The following BLTP1 variants were observed in gnomAD, a reference collection of about 807,000 sequenced individuals.
The protein encoded by BLTP1 is bridge-like lipid transfer protein family member 1.
chr4:122,317,755 C>T, the BLTP1 span, among the ~76,000 whole-genome samples: 11 of 152,036 alleles, frequency 7.2e-5, no homozygotes, highest in African/African-American at 2.7e-4. Context: ...TTCCTGTTGA[C>T]TTACATTACA....
the BLTP1 span, chr4:122,263,586 A>G: frequency 5.2e-5 from 83 of 1,605,622 alleles, no homozygotes; most frequent in Non-Finnish European, 7.0e-5. Context: ...TCAGGACACA[A>G]TAGTCTTCCC....
the BLTP1 span, among the ~76,000 whole-genome samples, chr4:122,259,586 G>A: frequency 2.6e-5 from 4 of 152,120 alleles, no homozygotes; most frequent in East Asian, 1.9e-4. Flanking sequence ...TTCTGGCCAG[G>A]CGCGGTGGTT....
At chr4:122,165,985 A>G in the BLTP1 span, among the ~76,000 whole-genome samples, 2 of 151,766 alleles carry the variant, frequency 1.3e-5, no homozygotes, top group African/African-American at 4.8e-5. Flanking sequence ...CCTTTGTCAG[A>G]TGAGTAGATT....
the BLTP1 span, chr4:122,346,039 T>C: frequency 1.0e-6 from 1 of 984,034 alleles, no homozygotes; most frequent in Non-Finnish European, 1.2e-6. Context: ...CGGGTATCGC[T>C]ATGTAGGTAT....
chr4:122,194,710 C>A, the BLTP1 span: 5 of 838,616 alleles, frequency 6.0e-6, no homozygotes, highest in Non-Finnish European at 7.2e-6. Flanking sequence ...TCTTCTTAAA[C>A]TGTATTTAAT....
chr4:122,216,108 T>TATC, the BLTP1 span, among the ~76,000 whole-genome samples: 2 of 151,332 alleles, frequency 1.3e-5, no homozygotes, highest in African/African-American at 4.9e-5. Flanking sequence ...TCTATCTATC[T>TATC]ATCTATCTAT....
chr4:122,359,846 C>T, the BLTP1 span: 5 of 1,398,016 alleles, frequency 3.6e-6, no homozygotes, highest in Non-Finnish European at 4.6e-6. Flanking sequence ...CCTGTAATGT[C>T]TATAGCTTCT....
the BLTP1 span, chr4:122,162,821 A>G: frequency 4.6e-6 from 1 of 218,266 alleles, no homozygotes; most frequent in Non-Finnish European, 7.8e-6. Context: ...TACTTTAAAA[A>G]TATATGGAAG....
At chr4:122,170,921 G>A in the BLTP1 span, among the ~76,000 whole-genome samples, 1 of 152,106 alleles carries the variant, frequency 6.6e-6, no homozygotes, top group East Asian at 1.9e-4. Context: ...GCTCTGAAAT[G>A]CTCTACTTTT....
the BLTP1 span, chr4:122,170,884 A>C: frequency 1.8e-6 from 1 of 566,146 alleles, no homozygotes; most frequent in Non-Finnish European, 3.0e-6. Flanking sequence ...TGTTATTTAT[A>C]TTTCTTGAAC....
the BLTP1 span, chr4:122,315,665 A>T: frequency 6.2e-7 from 1 of 1,614,086 alleles, no homozygotes; most frequent in Non-Finnish European, 8.5e-7. Context: ...TGAAGTTGAT[A>T]CTATGTCTCC....
At chr4:122,243,704 G>A in the BLTP1 span, 332 of 964,782 alleles carry the variant, frequency 3.4e-4, 1 homozygote, top group Non-Finnish European at 4.3e-4. Context: ...GTGACAGAGT[G>A]AGACTCTATC....
the BLTP1 span, chr4:122,210,049 A>T: frequency 7.3e-7 from 1 of 1,362,736 alleles, no homozygotes; most frequent in Admixed American, 3.1e-5. Flanking sequence ...ATAGTCTTAC[A>T]TATTTTAGAT....
the BLTP1 span, chr4:122,210,708 G>C: frequency 6.8e-6 from 2 of 292,290 alleles, no homozygotes; most frequent in South Asian, 1.4e-4. Flanking sequence ...TTCTTTATTT[G>C]CTTTCTTAAT....
the BLTP1 span, chr4:122,264,003 T>C: frequency 1.5e-6 from 1 of 646,152 alleles, no homozygotes; most frequent in Non-Finnish European, 1.9e-6. Context: ...TTTAATTAAA[T>C]CTAAAACAGT....
chr4:122,279,467 G>C, the BLTP1 span, among the ~76,000 whole-genome samples: 1 of 152,084 alleles, frequency 6.6e-6, no homozygotes, highest in African/African-American at 2.4e-5. Context: ...CCATAAACTT[G>C]ATGCTTGTTC....
the BLTP1 span, among the ~76,000 whole-genome samples, chr4:122,284,264 A>G: frequency 6.6e-6 from 1 of 152,148 alleles, no homozygotes; most frequent in Non-Finnish European, 1.5e-5. Context: ...ACAGCAAATA[A>G]TGATACTTTT....
the BLTP1 span, chr4:122,267,554 C>A: frequency 1.5e-6 from 1 of 653,646 alleles, no homozygotes; most frequent in Non-Finnish European, 1.9e-6. Flanking sequence ...ATTTACTTGG[C>A]TCTTGTAATA....
At chr4:122,247,503 A>G in the BLTP1 span, 1 of 1,056,956 alleles carries the variant, frequency 9.5e-7, no homozygotes, top group East Asian at 2.6e-5. Flanking sequence ...TATATTGAAC[A>G]CGTGGTATTT....
Sources: gnomAD v4.1 joint callset for allele counts (sites outside exome capture counted in the v4.1 genomes callset) on GRCh38, gnomAD v4.1.1 for gene constraint, MANE v1.5 for transcripts, NCBI Gene and HGNC (gene_info 2026-07-23, HGNC 2026-07-21) for gene names.